The following GXYLT1 variants were observed in gnomAD, a reference collection of about 807,000 sequenced individuals.
GXYLT1 encodes the protein glucoside xylosyltransferase 1.
Under a neutral mutation model 54.0 loss-of-function variants are expected in GXYLT1, and 29 were observed. The observed-to-expected ratio is 0.54, with a 90% CI of 0.40 to 0.73. The LOEUF is 0.73. Among genes scored for constraint, GXYLT1 ranks in the 30% least tolerant of loss-of-function variants. The probability of loss-of-function intolerance (pLI) is 0.00; values close to 1 mark genes in which losing one functional copy is unlikely to be tolerated. For missense variants in GXYLT1, 490 were observed against 553.4 expected, an observed-to-expected ratio of 0.89 and a Z score of 1.15; for synonymous variants, 176 against 204.1, an observed-to-expected ratio of 0.86 and a Z score of 1.17.
chr12:42,097,370 T>C, intron 7 of GXYLT1, 72 bp downstream of exon 7: 1 of 1,210,358 alleles, frequency 8.3e-7, no homozygotes, highest in East Asian at 2.6e-5. Flanking sequence ...TTTGTACTAT[T>C]TTTGTAAACT....
chr12:42,144,063 C>T (rs1435955000), intron 1 of GXYLT1, among the ~76,000 whole-genome samples: 1 of 152,204 alleles, frequency 6.6e-6, no homozygotes, highest in Non-Finnish European at 1.5e-5. Flanking sequence ...GTTTAAATAT[C>T]TCAACTTGAA....
In GXYLT1 at chr12:42,087,517, T is replaced by C; in HGVS notation, c.*269A>G. On this transcript the variant is annotated 3_prime_UTR_variant, in exon 8 of 8. Coordinates refer to ENST00000398675, the MANE Select transcript of GXYLT1 (RefSeq NM_173601.2). ...TATGAGTCAACAGAAGTCTGCAGGT[T>C]AAACCCATTCAATAGTATTTTCATC... 1 of 330,612 alleles carries C rather than the reference T, an allele frequency of 3.0e-6. No homozygotes were observed. Among genetic ancestry groups the C allele is most frequent in the South Asian group, 3.1e-5 (1 of 32,424 alleles). The allele number at this position is 330,612 out of a possible 1,614,324, so 20.5% of individuals were successfully genotyped here.
At chr12:42,105,769 TAGA>T (rs776422609) in intron 5 of GXYLT1, 46 bp downstream of exon 5, 1 of 1,483,518 alleles carries the variant, frequency 6.7e-7, no homozygotes, top group Non-Finnish European at 9.1e-7. Context: ...AAAAACAATT[TAGA>T]AGGTTTTTAG....
chr12:42,101,299 A>G (rs954382558), intron 5 of GXYLT1, among the ~76,000 whole-genome samples: 1 of 152,194 alleles, frequency 6.6e-6, no homozygotes, highest in Non-Finnish European at 1.5e-5. Flanking sequence ...GCTACAAATT[A>G]TAAGAAAAGA....
In GXYLT1 at chr12:42,097,959, G is replaced by A; in HGVS notation, c.939C>T (p.Ile313=). The A allele has an allele frequency of 1.9e-6, 3 of 1,602,800 alleles. No homozygotes were observed. Among genetic ancestry groups the A allele is most frequent in the Non-Finnish European group, 2.6e-6 (3 of 1,170,816 alleles). Residue 313 remains isoleucine, a synonymous_variant, in exon 6 of 8, where the codon ATC becomes ATT. Transcript: ENST00000398675. ...TCAATAGATCTTGATCACCCCATGT[G>A]ATGTTTAGTTTGTATTTTTTAAGCA... ...MPLLKKYKLN[I]TWGDQDLLNI...
At chr12:42,128,129 T>C (rs930171917) in intron 2 of GXYLT1, among the ~76,000 whole-genome samples, 1 of 152,220 alleles carries the variant, frequency 6.6e-6, no homozygotes, top group Non-Finnish European at 1.5e-5. Context: ...TGGAAAGATG[T>C]TGACCAAAGA....
At chr12:42,122,512 C>T (rs1454873443) in intron 2 of GXYLT1, among the ~76,000 whole-genome samples, 1 of 152,128 alleles carries the variant, frequency 6.6e-6, no homozygotes, top group Admixed American at 6.5e-5. Context: ...ATTGCATGAA[C>T]CCAGGAGGCA....
At chr12:42,103,705 T>C (rs934354436) in intron 5 of GXYLT1, among the ~76,000 whole-genome samples, 2 of 152,186 alleles carry the variant, frequency 1.3e-5, no homozygotes, top group African/African-American at 4.8e-5. Flanking sequence ...CAGGGTTGTT[T>C]GTAACACAGG....
intron 3 of GXYLT1, among the ~76,000 whole-genome samples, chr12:42,116,920 T>C (rs377247221): frequency 6.6e-6 from 1 of 151,990 alleles, no homozygotes; most frequent in African/African-American, 2.4e-5. Flanking sequence ...AAATGTGGCA[T>C]ATATACACCA....
intron 2 of GXYLT1, among the ~76,000 whole-genome samples, chr12:42,129,267 A>T (rs1438983599): frequency 2.0e-5 from 3 of 152,186 alleles, no homozygotes; most frequent in Non-Finnish European, 1.5e-5. Context: ...TTAAAGGAAG[A>T]AGTAGCCAGG....
intron 5 of GXYLT1, among the ~76,000 whole-genome samples, chr12:42,098,661 TCA>T (rs1056846271): frequency 5.3e-5 from 8 of 150,812 alleles, no homozygotes; most frequent in African/African-American, 9.7e-5. Context: ...TAAAAAATTC[TCA>T]CAGAGAACTG....
chr12:42,128,252 T>A (rs1018274545), intron 2 of GXYLT1, among the ~76,000 whole-genome samples: 1 of 152,186 alleles, frequency 6.6e-6, no homozygotes, highest in Non-Finnish European at 1.5e-5. Flanking sequence ...AGGTTTTAAA[T>A]GTGCCCATTA....
Position 42,086,347 on chromosome 12 carries a change from G to A in GXYLT1, c.*1439C>T, listed in dbSNP as rs1407810192. The A allele has an allele frequency of 2.0e-5, 3 of 152,226 alleles. No individual in the cohort carries two copies. The highest frequency in any genetic ancestry group is 7.2e-5 in the African/African-American group (3 of 41,460). The allele number at this position is 152,226 out of a possible 1,614,324, so 9.4% of individuals were successfully genotyped here. ...CTGAACTGCAGACGACAGAACAACT[G>A]TACTAACCATCTCTTTCTGCATATT... On this transcript the variant is annotated 3_prime_UTR_variant, in exon 8 of 8. Coordinates refer to ENST00000398675, the MANE Select transcript of GXYLT1 (RefSeq NM_173601.2).
At position 42,107,808 on chromosome 12, in the gene GXYLT1, C is replaced by G. The variant is rs142211682; in HGVS notation, c.613-1739G>C. On this transcript the variant is annotated intron_variant, in intron 4 of 7. Transcript: ENST00000398675. ...GCAACATTCTACATCTGTGTCACATCTGTTTACAGATTACTATATTCTTAG... is the reference window on the plus strand; with the variant it reads ...GCAACATTCTACATCTGTGTCACATGTGTTTACAGATTACTATATTCTTAG... 1.3e-4 allele frequency among the ~76,000 whole-genome samples: 20 copies of G among 152,274 alleles called. 1 individual carries two copies. In the East Asian group the frequency reaches 3.9e-3, roughly 29 times the overall value.
rs542375829 is a variant in GXYLT1, at chr12:42,084,732, A to G, written c.*3054T>C. 17 of 152,424 alleles carry G rather than the reference A, an allele frequency of 1.1e-4. No individual in the cohort carries two copies. The South Asian group carries it at 2.7e-3, about 24-fold the overall frequency. 9.4% of individuals were successfully genotyped at this position (152,424 alleles called of 1,614,324 possible). A position where few individuals can be genotyped will look rare whatever the true frequency, so the allele number is the denominator to read the frequency against. On this transcript the variant is annotated 3_prime_UTR_variant, in exon 8 of 8. Coordinates refer to ENST00000398675, the MANE Select transcript of GXYLT1 (RefSeq NM_173601.2). ...GATGAGAGAGCAATGAGTAAGCACTAATGTTATTTCAGGGCCTTAAAACCC... is the reference window on the plus strand; with the variant it reads ...GATGAGAGAGCAATGAGTAAGCACTGATGTTATTTCAGGGCCTTAAAACCC...
intron 1 of GXYLT1, among the ~76,000 whole-genome samples, chr12:42,142,309 C>T (rs995448137): frequency 1.3e-5 from 2 of 151,778 alleles, no homozygotes; most frequent in Non-Finnish European, 2.9e-5. Flanking sequence ...GATTTCTATA[C>T]CGTATCTCAT....
chr12:42,141,605 T>C (rs1180563649), intron 1 of GXYLT1, among the ~76,000 whole-genome samples: 1 of 152,152 alleles, frequency 6.6e-6, no homozygotes. Context: ...TGATCATTTC[T>C]CAATGTATAT....
At chr12:42,116,519 A>C (rs1592115930) in intron 3 of GXYLT1, among the ~76,000 whole-genome samples, 1 of 152,378 alleles carries the variant, frequency 6.6e-6, no homozygotes, top group Non-Finnish European at 1.5e-5. Context: ...CAAAAAACAC[A>C]TGAAAAAATG....
intron 2 of GXYLT1, among the ~76,000 whole-genome samples, chr12:42,119,980 A>G (rs2065520929): frequency 6.6e-6 from 1 of 152,224 alleles, no homozygotes; most frequent in Non-Finnish European, 1.5e-5. Flanking sequence ...TCTCCCAAGA[A>G]TACATAACTA....
Sources: gnomAD v4.1 joint callset for allele counts (sites outside exome capture counted in the v4.1 genomes callset) on GRCh38, gnomAD v4.1.1 for gene constraint, MANE v1.5 for transcripts, NCBI Gene and HGNC (gene_info 2026-07-23, HGNC 2026-07-21) for gene names.